Variants in CLNK observed in about 807,000 individuals in gnomAD.
The protein encoded by CLNK is cytokine dependent hematopoietic cell linker.
In CLNK, 74 loss-of-function variants were observed where a neutral mutation model predicts 68.6. The ratio of observed to expected loss-of-function variants is 1.08; its 90% CI spans 0.89 to 1.31. CLNK has a LOEUF of 1.31. Ranked by LOEUF, CLNK falls within the 50% of genes most tolerant of loss-of-function variation. CLNK has a pLI of 0.00. For missense variants in CLNK, 553 were observed against 515.3 expected, an observed-to-expected ratio of 1.07 and a Z score of -0.71; for synonymous variants, 198 against 172.2, an observed-to-expected ratio of 1.15 and a Z score of -1.17.
the CLNK span, among the ~76,000 whole-genome samples, chr4:10,725,677 C>G: frequency 1.3e-5 from 2 of 152,034 alleles, no homozygotes; most frequent in Non-Finnish European, 2.9e-5. Flanking sequence ...CATGGTGAAA[C>G]ACCTTCTCTA....
At chr4:10,597,779 G>C (rs1721440379) in intron 3 of CLNK, among the ~76,000 whole-genome samples, 199 bp downstream of exon 3, 1 of 152,130 alleles carries the variant, frequency 6.6e-6, no homozygotes, top group South Asian at 2.1e-4. Flanking sequence ...GGGCTTCTCA[G>C]CCTAGGTTTG....
At chr4:10,642,283 T>A (rs1294319918) in intron 2 of CLNK, among the ~76,000 whole-genome samples, 1 of 152,174 alleles carries the variant, frequency 6.6e-6, no homozygotes, top group Non-Finnish European at 1.5e-5. Context: ...TTGTGCTGCA[T>A]CATGCAGAGA....
At chr4:10,511,595 C>A (rs1012465807) in intron 16 of CLNK, among the ~76,000 whole-genome samples, 1 of 152,152 alleles carries the variant, frequency 6.6e-6, no homozygotes, top group East Asian at 1.9e-4. Flanking sequence ...TTCTAGGTAC[C>A]TTGTATTCCT....
intron 8 of CLNK, among the ~76,000 whole-genome samples, chr4:10,551,848 A>ATT (rs201336299): frequency 0.042 from 5,946 of 140,574 alleles, 188 homozygotes; most frequent in Middle Eastern, 0.092. Context: ...GAGAATTGTA[A>ATT]TTTTTTTTTT....
intron 2 of CLNK, among the ~76,000 whole-genome samples, chr4:10,642,746 T>A (rs1251709948): frequency 2.0e-5 from 3 of 152,222 alleles, no homozygotes; most frequent in Non-Finnish European, 4.4e-5. Context: ...GCTGGGTAGC[T>A]GGGAAAGTCA....
chr4:10,686,583 A>T (rs1312284536), upstream of CLNK, among the ~76,000 whole-genome samples: 1 of 150,494 alleles, frequency 6.6e-6, no homozygotes, highest in Admixed American at 6.7e-5. Context: ...GCAGTGGGAG[A>T]GGGGAAACTC....
intron 2 of CLNK, among the ~76,000 whole-genome samples, chr4:10,659,835 T>C (rs568616355): frequency 6.6e-6 from 1 of 152,362 alleles, no homozygotes; most frequent in African/African-American, 2.4e-5. Flanking sequence ...TTCCTGATAT[T>C]GGTCCCAAAT....
Position 10,602,488 on chromosome 4 carries a change from G to A in CLNK, c.12-4439C>T, listed in dbSNP as rs182483827. ...TGGAAAAGACCCATGTGAAGATGGC[G>A]GAGATTGGAGTGATGTTGTCACAAA... On this transcript the variant is annotated intron_variant, in intron 2 of 18. Coordinates refer to ENST00000226951, the MANE Select transcript of CLNK (RefSeq NM_052964.4). Among the ~76,000 whole-genome samples, 346 of 152,294 alleles carry A rather than the reference G, an allele frequency of 2.3e-3. 1 individual carries two copies. The highest frequency in any genetic ancestry group is 3.5e-3 in the Non-Finnish European group (237 of 68,026).
intron 14 of CLNK, 133 bp from the exon 15 acceptor site, chr4:10,520,964 C>G (rs1489351957): frequency 1.5e-6 from 1 of 671,354 alleles, no homozygotes; most frequent in African/African-American, 1.8e-5. Context: ...ACTGGATATG[C>G]TAGAAGAATC....
chr4:10,553,052 G>GC (rs769711429), intron 8 of CLNK, among the ~76,000 whole-genome samples: 2,164 of 66,960 alleles, frequency 0.032, 34 homozygotes, highest in South Asian at 0.069. Context: ...AGGAAGAGGA[G>GC]GGGGGGGCAT....
At chr4:10,716,494 G>C in the CLNK span, among the ~76,000 whole-genome samples, 9,996 of 152,014 alleles carry the variant, frequency 0.066, 445 homozygotes, top group East Asian at 0.1. Context: ...AGACTGGCTA[G>C]GGACCTCTAA....
At chr4:10,677,104 G>A (rs1414507353) in intron 1 of CLNK, among the ~76,000 whole-genome samples, 1 of 151,082 alleles carries the variant, frequency 6.6e-6, no homozygotes, top group Admixed American at 6.6e-5. Context: ...CTTGATTAAT[G>A]CATTGAGATG....
At chr4:10,534,854 A>G (rs541380457) in intron 11 of CLNK, among the ~76,000 whole-genome samples, 1 of 152,316 alleles carries the variant, frequency 6.6e-6, no homozygotes, top group Admixed American at 6.5e-5. Context: ...AACAATAATA[A>G]TGATGTTTAT....
chr4:10,513,461 T>C lies in CLNK; in HGVS notation c.906+3A>G. 1 of 1,610,516 alleles carries C rather than the reference T, an allele frequency of 6.2e-7. No homozygotes were observed. Among genetic ancestry groups the C allele is most frequent in the South Asian group, 1.1e-5 (1 of 89,994 alleles). On this transcript the variant is annotated splice_donor_region_variant and intron_variant, in intron 16 of 18. Coordinates refer to ENST00000226951, the MANE Select transcript of CLNK (RefSeq NM_052964.4). ...AGGACTTGGCAGAGAAGTGTCTGCT[T>C]ACCTTTCTATCAGACCTTTTGGGGA... is the stretch of plus-strand genomic sequence containing the variant.
chr4:10,568,854 TG>T (rs781493779), intron 5 of CLNK, among the ~76,000 whole-genome samples: 2 of 152,198 alleles, frequency 1.3e-5, no homozygotes, highest in Non-Finnish European at 2.9e-5. Context: ...TTGCATCCAC[TG>T]TGCGATAATA....
intron 17 of CLNK, among the ~76,000 whole-genome samples, chr4:10,502,390 G>A (rs1316249118): frequency 6.6e-6 from 1 of 151,974 alleles, no homozygotes; most frequent in Non-Finnish European, 1.5e-5. Context: ...CAGCATGGGG[G>A]AAACTGCCCC....
chr4:10,549,404 C>A (rs538251118), intron 8 of CLNK, among the ~76,000 whole-genome samples: 2 of 152,210 alleles, frequency 1.3e-5, no homozygotes, highest in East Asian at 3.9e-4. Context: ...AATAATAAAT[C>A]AAGTATTTGT....
intron 16 of CLNK, among the ~76,000 whole-genome samples, chr4:10,511,672 A>G (rs573407315): frequency 6.6e-6 from 1 of 152,296 alleles, no homozygotes; most frequent in Non-Finnish European, 1.5e-5. Flanking sequence ...AGGTTCTTGT[A>G]TATTGTATCA....
chr4:10,534,586 G>A (rs960448045), intron 11 of CLNK, among the ~76,000 whole-genome samples: 9 of 152,264 alleles, frequency 5.9e-5, no homozygotes, highest in Non-Finnish European at 1.2e-4. Flanking sequence ...GATAAATCTA[G>A]ACAGTAGTGA....
Sources: allele counts gnomAD v4.1 joint callset (sites outside exome capture counted in the v4.1 genomes callset), GRCh38; gene constraint gnomAD v4.1.1; transcripts MANE v1.5; gene names NCBI Gene and HGNC (gene_info 2026-07-23, HGNC 2026-07-21).